NAV2: variants seen among roughly 807,000 people sequenced by gnomAD.
NAV2 encodes helicase, APC down-regulated 1.
NAV2 carries 54 observed loss-of-function variants against 223.2 expected under a neutral mutation model. That is an observed-to-expected ratio of 0.24 (90% confidence interval 0.19 to 0.30). The LOEUF is 0.30. Among genes scored for constraint, NAV2 ranks in the 10% least tolerant of loss-of-function variants. NAV2 has a pLI of 1.00. For missense variants in NAV2, 2,806 were observed against 3,147.5 expected, an observed-to-expected ratio of 0.89 and a Z score of 2.60; for synonymous variants, 1,279 against 1,239.3, an observed-to-expected ratio of 1.03 and a Z score of -0.67.
chr11:20,003,147 A>G (rs1027131061), intron 11 of NAV2, among the ~76,000 whole-genome samples: 2 of 152,192 alleles, frequency 1.3e-5, no homozygotes, highest in East Asian at 3.8e-4. Flanking sequence ...GGAGAGGGGA[A>G]AGGTGGGATT....
chr11:19,849,978 C>T (rs137955571), intron 3 of NAV2, among the ~76,000 whole-genome samples: 1 of 152,256 alleles, frequency 6.6e-6, no homozygotes, highest in African/African-American at 2.4e-5. Context: ...CTCTTTAGCA[C>T]GGAATAGAAG....
intron 1 of NAV2, among the ~76,000 whole-genome samples, chr11:19,670,277 G>C (rs1461470468): frequency 6.6e-6 from 1 of 152,128 alleles, no homozygotes; most frequent in African/African-American, 2.4e-5. Flanking sequence ...CCGGAGTCTG[G>C]GTTTGCTGCC....
intron 31 of NAV2, among the ~76,000 whole-genome samples, chr11:20,098,461 T>G (rs959725574): frequency 6.6e-6 from 1 of 152,250 alleles, no homozygotes; most frequent in African/African-American, 2.4e-5. Flanking sequence ...TTCCTATATG[T>G]TATGGACCAC....
chr11:19,637,085 G>C (rs1159248697), intron 1 of NAV2, among the ~76,000 whole-genome samples: 1 of 152,164 alleles, frequency 6.6e-6, no homozygotes, highest in East Asian at 1.9e-4. Context: ...AGTTTTCCAT[G>C]GTCTTGGGAA....
At chr11:19,466,868 C>T (rs1040872877) in intron 1 of NAV2, among the ~76,000 whole-genome samples, 8 of 152,146 alleles carry the variant, frequency 5.3e-5, no homozygotes, top group African/African-American at 1.2e-4. Flanking sequence ...AAATTCACTA[C>T]GAGTCTTGCT....
intron 1 of NAV2, chr11:19,503,503 C>G (rs1421765225): frequency 6.6e-6 from 1 of 152,200 alleles, no homozygotes; most frequent in Non-Finnish European, 1.5e-5. Context: ...TTTTTACGGT[C>G]TCCATAGTTT....
Position 19,583,142 on chromosome 11 carries a change from G to T in NAV2, c.75+232115G>T, listed in dbSNP as rs12294581. ...GTATTTTGTTCTCTTTGAAGCAATT[G>T]TGAATAGGAGTTCACTCATGATTTT... On this transcript the variant is annotated intron_variant, in intron 1 of 37. Coordinates refer to the NAV2 transcript ENST00000360655. Among the ~76,000 whole-genome samples the T allele has an allele frequency of 6.2e-3, 944 of 152,296 alleles. 8 individuals are homozygous for T. The highest frequency in any genetic ancestry group is 0.022 in the African/African-American group (895 of 41,554).
In NAV2 at chr11:20,119,828, A is replaced by G. The variant is rs1426953554; in HGVS notation, c.*1570A>G. The G allele has an allele frequency of 6.6e-6, 1 of 152,614 alleles. No homozygotes were observed. The highest frequency in any genetic ancestry group is 2.4e-5 in the African/African-American group (1 of 41,424). 9.5% of individuals were successfully genotyped at this position (152,614 alleles called of 1,614,324 possible). On this transcript the variant is annotated 3_prime_UTR_variant, in exon 38 of 38. Transcript: ENST00000349880. The stretch of plus-strand genomic sequence containing the variant: ...GCGTGACCATGGGAAAAAGAAAAAA[A>G]AAAAGATCCATTTTTTAGGTTCTTT...
intron 1 of NAV2, among the ~76,000 whole-genome samples, chr11:19,595,053 C>G (rs2046169488): frequency 6.6e-6 from 1 of 152,070 alleles, no homozygotes. Flanking sequence ...TGTGAGAGAA[C>G]AGGGAAGTGA....
intron 3 of NAV2, among the ~76,000 whole-genome samples, chr11:19,857,245 A>G (rs1197666996): frequency 6.6e-6 from 1 of 152,222 alleles, no homozygotes; most frequent in Non-Finnish European, 1.5e-5. Flanking sequence ...TGAAGATTCT[A>G]TGGTGGCTTA....
intron 10 of NAV2, among the ~76,000 whole-genome samples, chr11:19,959,874 C>CTT (rs1437784981): frequency 6.6e-6 from 1 of 152,136 alleles, no homozygotes; most frequent in South Asian, 2.1e-4. Context: ...TCTTCCCCCC[C>CTT]CACCATCTGG....
chr11:19,855,689 A>G (rs1389018411), intron 3 of NAV2, among the ~76,000 whole-genome samples: 1 of 152,196 alleles, frequency 6.6e-6, no homozygotes, highest in African/African-American at 2.4e-5. Context: ...GCTTTCTGAA[A>G]TGAGTCAACT....
intron 1 of NAV2, among the ~76,000 whole-genome samples, chr11:19,629,865 G>A (rs979138680): frequency 2.6e-5 from 4 of 152,174 alleles, no homozygotes; most frequent in African/African-American, 9.7e-5. Context: ...CAACCCTCCA[G>A]CTCTGGCTAA....
chr11:19,764,492 A>G (rs553069227), intron 1 of NAV2, among the ~76,000 whole-genome samples: 14 of 152,244 alleles, frequency 9.2e-5, no homozygotes, highest in African/African-American at 3.1e-4. Flanking sequence ...TGTATTGTTC[A>G]TGCTAACAGA....
intron 1 of NAV2, among the ~76,000 whole-genome samples, chr11:19,630,946 GA>G (rs1257081455): frequency 0.012 from 1,209 of 103,772 alleles, 19 homozygotes; most frequent in African/African-American, 0.04. Context: ...AAGGAAAAAA[GA>G]AAAAAAAAAG....
chr11:19,936,650 C>T (rs2045934487), intron 7 of NAV2, among the ~76,000 whole-genome samples: 1 of 152,194 alleles, frequency 6.6e-6, no homozygotes, highest in Admixed American at 6.5e-5. Flanking sequence ...CCTTTATCAG[C>T]CCTTGGTGCC....
At chr11:19,960,842 C>G (rs1014185799) in intron 10 of NAV2, among the ~76,000 whole-genome samples, 2 of 151,978 alleles carry the variant, frequency 1.3e-5, no homozygotes, top group African/African-American at 4.8e-5. Flanking sequence ...AAACTCCTGA[C>G]CTCAAGTGAT....
chr11:19,759,234 C>T (rs112875263), intron 1 of NAV2, among the ~76,000 whole-genome samples: 10,904 of 151,918 alleles, frequency 0.072, 496 homozygotes, highest in Non-Finnish European at 0.094. Flanking sequence ...AGGGGCACGC[C>T]GCCATGCCCG....
chr11:19,858,535 G>A (rs931870467), intron 3 of NAV2, among the ~76,000 whole-genome samples: 12 of 152,218 alleles, frequency 7.9e-5, no homozygotes, highest in African/African-American at 2.9e-4. Context: ...TGAGGGTACA[G>A]ATATCTCTTT....
Sources: gnomAD v4.1 joint callset for allele counts (sites outside exome capture counted in the v4.1 genomes callset) on GRCh38, gnomAD v4.1.1 for gene constraint, MANE v1.5 for transcripts, NCBI Gene and HGNC (gene_info 2026-07-23, HGNC 2026-07-21) for gene names.